Variants in SDK1 observed in about 807,000 individuals in gnomAD.
SDK1 encodes the protein sidekick cell adhesion molecule 1, also known as protein sidekick-1.
Under a neutral mutation model 245.5 loss-of-function variants are expected in SDK1, and 157 were observed. That is an observed-to-expected ratio of 0.64 (90% CI 0.56 to 0.73). The LOEUF (loss-of-function observed/expected upper bound fraction) is 0.73. Ranked by LOEUF, SDK1 falls within the 30% of genes least tolerant of loss-of-function variation. The pLI is 0.00. For synonymous variants in SDK1, 1,647 were observed against 1,278.5 expected (o/e 1.29, Z -6.15); for missense variants, 3,583 against 3,002.3 (o/e 1.19, Z -4.52).
intron 35 of SDK1, among the ~76,000 whole-genome samples, chr7:4,195,378 C>T (rs1219846712): frequency 1.4e-5 from 2 of 139,570 alleles, no homozygotes; most frequent in South Asian, 2.1e-4. Flanking sequence ...AACACTCTGC[C>T]CTGGCTGCTG....
At chr7:4,086,303 A>G (rs1781424473) in intron 22 of SDK1, among the ~76,000 whole-genome samples, 1 of 152,198 alleles carries the variant, frequency 6.6e-6, no homozygotes, top group Non-Finnish European at 1.5e-5. Context: ...TCACTGCCAT[A>G]ACAAATCACC....
intron 32 of SDK1, among the ~76,000 whole-genome samples, chr7:4,170,346 C>T (rs1278654905): frequency 6.6e-6 from 1 of 152,082 alleles, no homozygotes; most frequent in Non-Finnish European, 1.5e-5. Flanking sequence ...ACTCGGGAGG[C>T]TGAGGCAGGA....
At chr7:3,955,145 C>T (rs1166369644) in intron 7 of SDK1, among the ~76,000 whole-genome samples, 1 of 152,150 alleles carries the variant, frequency 6.6e-6, no homozygotes, top group Non-Finnish European at 1.5e-5. Flanking sequence ...ACTCGGACGG[C>T]GAGTTTTCAC....
chr7:3,517,355 G>C (rs1048988219), intron 1 of SDK1, among the ~76,000 whole-genome samples: 2 of 152,102 alleles, frequency 1.3e-5, no homozygotes, highest in South Asian at 2.1e-4. Context: ...GCTGATTTTT[G>C]TCTAGTGTAC....
At chr7:3,565,400 C>T (rs1199644605) in intron 1 of SDK1, among the ~76,000 whole-genome samples, 1 of 152,166 alleles carries the variant, frequency 6.6e-6, no homozygotes, top group Non-Finnish European at 1.5e-5. Context: ...TGCTCATTAC[C>T]TCTGCTGCTA....
chr7:3,585,910 G>T (rs1320201992), intron 1 of SDK1, among the ~76,000 whole-genome samples: 2 of 152,188 alleles, frequency 1.3e-5, no homozygotes, highest in Non-Finnish European at 2.9e-5. Flanking sequence ...ACATCTCAGG[G>T]CCTCTACCAT....
intron 5 of SDK1, among the ~76,000 whole-genome samples, chr7:3,936,678 G>A (rs753961219): frequency 6.6e-6 from 1 of 152,206 alleles, no homozygotes; most frequent in African/African-American, 2.4e-5. Context: ...CTTAGAAATG[G>A]TTAAGGTGGT....
chr7:3,980,043 C>A (rs1487413739), intron 13 of SDK1, among the ~76,000 whole-genome samples: 1 of 152,118 alleles, frequency 6.6e-6, no homozygotes, highest in Admixed American at 6.6e-5. Flanking sequence ...AATACTGTTT[C>A]CCCCAGAGTT....
chr7:3,993,666 C>T (rs1472302781), intron 14 of SDK1, among the ~76,000 whole-genome samples: 2 of 152,200 alleles, frequency 1.3e-5, no homozygotes, highest in African/African-American at 4.8e-5. Flanking sequence ...GCCAGCCCTG[C>T]ACCCAAGCCC....
intron 4 of SDK1, among the ~76,000 whole-genome samples, chr7:3,819,798 A>AT (rs1222627084): frequency 7.2e-5 from 11 of 152,192 alleles, no homozygotes; most frequent in African/African-American, 2.7e-4. Flanking sequence ...ACTTCTTAAG[A>AT]TAATTTTATA....
intron 14 of SDK1, among the ~76,000 whole-genome samples, chr7:4,003,438 A>G (rs937309720): frequency 6.6e-6 from 1 of 152,204 alleles, no homozygotes; most frequent in South Asian, 2.1e-4. Flanking sequence ...TGTTCACTGC[A>G]GTCACTGCCC....
chr7:4,173,439 A>G (rs1781979220), intron 32 of SDK1, among the ~76,000 whole-genome samples: 1 of 152,232 alleles, frequency 6.6e-6, no homozygotes, highest in African/African-American at 2.4e-5. Context: ...AGTGGTGAAC[A>G]GCCACATCCT....
At chr7:4,219,966 C>A (rs772240242) in intron 38 of SDK1, 143 bp from the exon 39 acceptor site, 22 of 928,512 alleles carry the variant, frequency 2.4e-5, no homozygotes, top group Non-Finnish European at 3.3e-5. Flanking sequence ...TGGCTATTAC[C>A]ACCATATAAA....
At chr7:3,408,333 T>C (rs1329411256) in intron 1 of SDK1, among the ~76,000 whole-genome samples, 1 of 152,148 alleles carries the variant, frequency 6.6e-6, no homozygotes, top group African/African-American at 2.4e-5. Context: ...GCAGAAGCCA[T>C]GGTGCTTGGC....
chr7:3,519,224 A>G (rs1429299990), intron 1 of SDK1, among the ~76,000 whole-genome samples: 1 of 152,144 alleles, frequency 6.6e-6, no homozygotes, highest in Non-Finnish European at 1.5e-5. Context: ...AGTCTTCCAT[A>G]GCACTGTAGG....
At chr7:3,735,637 G>A (rs904841957) in intron 4 of SDK1, among the ~76,000 whole-genome samples, 2 of 152,190 alleles carry the variant, frequency 1.3e-5, no homozygotes, top group Non-Finnish European at 2.9e-5. Flanking sequence ...GGGTGTACAA[G>A]TATCTCTTCA....
intron 4 of SDK1, among the ~76,000 whole-genome samples, chr7:3,815,791 C>A (rs1048903811): frequency 4.6e-5 from 7 of 150,860 alleles, no homozygotes; most frequent in African/African-American, 1.7e-4. Context: ...ACAGAATATA[C>A]ATTTTTTTCA....
At position 4,127,608 on chromosome 7, in the gene SDK1, G is replaced by T. The variant is rs1003222588; in HGVS notation, c.3939+112G>T. Reference sequence around the variant, plus strand: ...TCCTCTTCTCCTACAGATCTGCAGCGTCAGCCAGTTTGTGATTTTTATTAA... The same window carrying T: ...TCCTCTTCTCCTACAGATCTGCAGCTTCAGCCAGTTTGTGATTTTTATTAA... On this transcript the variant is annotated intron_variant, in intron 26 of 44. Transcript: ENST00000404826. The T allele has an allele frequency of 6.7e-6, 5 of 748,844 alleles. 1 individual carries two copies. The highest frequency in any genetic ancestry group is 3.2e-5 in the South Asian group (2 of 61,694). 46.4% of individuals were successfully genotyped at this position (748,844 alleles called of 1,614,324 possible).
chr7:3,816,369 A>T (rs1425565928), intron 4 of SDK1, among the ~76,000 whole-genome samples: 1 of 148,942 alleles, frequency 6.7e-6, no homozygotes, highest in African/African-American at 2.5e-5. Flanking sequence ...AAAGAAAAAA[A>T]GAGAGAAGAA....
Sources: gnomAD v4.1 joint callset for allele counts (sites outside exome capture counted in the v4.1 genomes callset) on GRCh38, gnomAD v4.1.1 for gene constraint, MANE v1.5 for transcripts, NCBI Gene and HGNC (gene_info 2026-07-23, HGNC 2026-07-21) for gene names.